Variants in BACH2 observed in about 807,000 individuals in gnomAD.
BACH2 encodes the protein BACH transcriptional regulator 2.
Under a neutral mutation model 61.8 loss-of-function variants are expected in BACH2, and 5 were observed. The ratio of observed to expected loss-of-function variants is 0.08; its 90% CI spans 0.04 to 0.17. BACH2 has a LOEUF of 0.17. Among genes scored for constraint, BACH2 ranks in the 10% least tolerant of loss-of-function variants. The pLI, the probability that BACH2 is intolerant of heterozygous loss-of-function variation, is 1.00. For synonymous variants in BACH2, 446 were observed against 440.1 expected (o/e 1.01, Z -0.17); for missense variants, 824 against 1,091.1 (o/e 0.76, Z 3.45).
At chr6:90,202,149 A>C (rs889046949) in intron 4 of BACH2, among the ~76,000 whole-genome samples, 5 of 152,210 alleles carry the variant, frequency 3.3e-5, no homozygotes, top group Admixed American at 6.5e-5. Context: ...AGTGCATGGC[A>C]TATAGTATGC....
chr6:90,057,876 C>CAG (rs950590191), intron 5 of BACH2, among the ~76,000 whole-genome samples: 1 of 151,334 alleles, frequency 6.6e-6, no homozygotes, highest in Non-Finnish European at 1.5e-5. Flanking sequence ...ACAAAAATCA[C>CAG]GATTATCTCA....
In BACH2 at chr6:90,027,089, A is replaced by G. The variant is rs1169349323; in HGVS notation, c.-12-18233T>C. ...TTTCCATTTAAAAATGATGAAAACC[A>G]TGAGGCTAAGACCACTGGTTGGCAG... On this transcript the variant is annotated intron_variant, in intron 5 of 8. Transcript: ENST00000257749. Among the ~76,000 whole-genome samples the G allele has an allele frequency of 3.9e-5, 6 of 152,302 alleles. 1 individual carries two copies. The East Asian group carries it at 1.2e-3, about 29-fold the overall frequency.
chr6:90,183,552 T>C (rs904724680), intron 4 of BACH2, among the ~76,000 whole-genome samples: 7 of 152,160 alleles, frequency 4.6e-5, no homozygotes, highest in African/African-American at 1.7e-4. Context: ...ATTAAGACAA[T>C]GGTCATTTAT....
At chr6:89,986,108 C>T (rs557759619) in intron 6 of BACH2, among the ~76,000 whole-genome samples, 4 of 152,182 alleles carry the variant, frequency 2.6e-5, no homozygotes, top group South Asian at 4.1e-4. Flanking sequence ...GTGGCGGCGG[C>T]GAACTGAACT....
At chr6:90,046,933 CT>C (rs1366625871) in intron 5 of BACH2, among the ~76,000 whole-genome samples, 1 of 151,628 alleles carries the variant, frequency 6.6e-6, no homozygotes, top group Non-Finnish European at 1.5e-5. Flanking sequence ...TTCTTTCTTT[CT>C]TTCTTTCTTT....
chr6:90,064,793 CCTT>C (rs1463706639), intron 5 of BACH2, among the ~76,000 whole-genome samples: 1 of 152,210 alleles, frequency 6.6e-6, no homozygotes, highest in Non-Finnish European at 1.5e-5. Flanking sequence ...ACTGTGTGCT[CCTT>C]GAGGATGGGA....
chr6:90,007,993 T>C (rs1174986930), intron 6 of BACH2: 1 of 154,038 alleles, frequency 6.5e-6, no homozygotes, highest in African/African-American at 2.4e-5. Flanking sequence ...ACTTAAACCA[T>C]CCAATTAAAT....
At chr6:90,296,001 C>T (rs1772356508) in intron 1 of BACH2, among the ~76,000 whole-genome samples, 1 of 152,204 alleles carries the variant, frequency 6.6e-6, no homozygotes, top group Non-Finnish European at 1.5e-5. Context: ...AAGGAGGAGG[C>T]CGCCCGGCCT....
intron 5 of BACH2, among the ~76,000 whole-genome samples, chr6:90,087,977 A>G (rs1340134249): frequency 7.0e-6 from 1 of 142,142 alleles, no homozygotes; most frequent in Non-Finnish European, 1.5e-5. Context: ...CATTCTTTCT[A>G]TTTTTTTTTT....
intron 4 of BACH2, among the ~76,000 whole-genome samples, chr6:90,131,719 C>A (rs1367950738): frequency 6.6e-6 from 1 of 152,140 alleles, no homozygotes; most frequent in African/African-American, 2.4e-5. Context: ...TCACATGTAG[C>A]GTGACTCTGT....
At chr6:90,025,263 G>T (rs1036790147) in intron 5 of BACH2, among the ~76,000 whole-genome samples, 1 of 152,076 alleles carries the variant, frequency 6.6e-6, no homozygotes, top group Non-Finnish European at 1.5e-5. Flanking sequence ...TGTGATCATC[G>T]CACTGGTCTT....
chr6:90,176,926 T>C (rs1452012004), intron 4 of BACH2, among the ~76,000 whole-genome samples: 2 of 152,184 alleles, frequency 1.3e-5, no homozygotes, highest in Non-Finnish European at 2.9e-5. Context: ...ATTGTCCTCC[T>C]TTCTGCCGTC....
chr6:90,233,922 T>G (rs1227834593), intron 3 of BACH2, among the ~76,000 whole-genome samples: 2 of 152,168 alleles, frequency 1.3e-5, no homozygotes, highest in Non-Finnish European at 2.9e-5. Flanking sequence ...GAATTATCCC[T>G]CACTTCACCC....
intron 3 of BACH2, among the ~76,000 whole-genome samples, chr6:90,227,421 G>A (rs1270400675): frequency 2.6e-5 from 4 of 152,162 alleles, no homozygotes; most frequent in African/African-American, 4.8e-5. Flanking sequence ...AACGTCATGG[G>A]AAAAATTAGG....
At chr6:89,999,448 CTTT>C (rs59177752) in intron 6 of BACH2, among the ~76,000 whole-genome samples, 1 of 141,762 alleles carries the variant, frequency 7.1e-6, no homozygotes, top group Non-Finnish European at 1.5e-5. Context: ...TTTGTCACAC[CTTT>C]TTTTTTTTTT....
rs767694285 is a variant in BACH2, at chr6:89,932,819, G to A, written c.2115C>T (p.Asn705=). 1.9e-6 allele frequency: 3 copies of A among 1,613,286 alleles called. No individual in the cohort carries two copies. The highest frequency in any genetic ancestry group is 1.7e-5 in the Admixed American group (1 of 60,000). Residue 705 remains asparagine (N), a synonymous_variant, in exon 9 of 9, where the codon AAC becomes AAT. Coordinates refer to ENST00000257749, the MANE Select transcript of BACH2 (RefSeq NM_021813.4). ...AAACTTCCTGGGAAAGGCAGGAGAAGTTGTCCAACAGTTCCCCCATGCATG... is the reference window on the plus strand; with the variant it reads ...AAACTTCCTGGGAAAGGCAGGAGAAATTGTCCAACAGTTCCCCCATGCATG... The part of the protein sequence containing the change: ...LKACMGELLD[N]FSCLSQEVCR...
intron 3 of BACH2, among the ~76,000 whole-genome samples, chr6:90,216,101 C>T (rs1056186448): frequency 6.6e-6 from 1 of 152,202 alleles, no homozygotes; most frequent in Non-Finnish European, 1.5e-5. Context: ...GGAGTCACTG[C>T]GTTCTCCGAC....
At chr6:89,935,357 T>C (rs1194059479) in intron 8 of BACH2, among the ~76,000 whole-genome samples, 3 of 152,186 alleles carry the variant, frequency 2.0e-5, no homozygotes, top group Non-Finnish European at 4.4e-5. Context: ...GCAATACTGC[T>C]TGGGCGCTGG....
Position 89,999,598 on chromosome 6 carries a change from A to C in BACH2, c.243+9004T>G, listed in dbSNP as rs188575559. On this transcript the variant is annotated intron_variant, in intron 6 of 8. Transcript: ENST00000257749. ...GGTAAAGGCCCGGGTTCTATGATTA[A>C]CTACGACAAAATAATAGTTATGATG... Among the ~76,000 whole-genome samples, 129 of 152,364 alleles carry C rather than the reference A, an allele frequency of 8.5e-4. 1 individual carries two copies. Among genetic ancestry groups the C allele is most frequent in the African/African-American group, 2.7e-3 (114 of 41,584 alleles).
Sources: gnomAD v4.1 joint callset for allele counts (sites outside exome capture counted in the v4.1 genomes callset) on GRCh38, gnomAD v4.1.1 for gene constraint, MANE v1.5 for transcripts, NCBI Gene and HGNC (gene_info 2026-07-23, HGNC 2026-07-21) for gene names.